Variants in KCNMA1 observed in about 807,000 individuals in gnomAD.
KCNMA1 encodes Calcium-activated potassium channel subunit alpha-1.
In KCNMA1, 29 loss-of-function variants were observed where a neutral mutation model predicts 140.0. The ratio of observed to expected loss-of-function variants is 0.21; its 90% CI spans 0.15 to 0.28. The LOEUF is 0.28. Ranked by LOEUF, KCNMA1 falls within the 10% of genes least tolerant of loss-of-function variation. KCNMA1 has a pLI of 1.00. For missense variants in KCNMA1, 880 were observed against 1,602.2 expected (o/e 0.55, Z 7.70); for synonymous variants, 612 against 611.9 (o/e 1.00, Z 0.00).
Position 77,001,608 on chromosome 10 carries a change from G to A in KCNMA1, c.2093-28C>T, listed in dbSNP as rs1216414508. 3.3e-6 allele frequency: 5 copies of A among 1,537,876 alleles called. No homozygotes were observed. In the East Asian group the frequency reaches 9.8e-5, roughly 30 times the overall value. On this transcript the variant is annotated intron_variant, in intron 18 of 27. Coordinates refer to ENST00000286628, the MANE Select transcript of KCNMA1 (RefSeq NM_001161352.2). The stretch of plus-strand genomic sequence containing the variant: ...ATAACCGTGTGGTTGGATGGGAGGA[G>A]AGGAAGAGCGGCAATTAATGGCAAG...
chr10:77,634,591 T>C, intron 1 of KCNMA1: 1 of 985,298 alleles, frequency 1.0e-6, no homozygotes, highest in Non-Finnish European at 1.2e-6. Flanking sequence ...GATCAAACCA[T>C]CTTGGGGCTG....
At chr10:77,010,985 A>G (rs533707922) in intron 18 of KCNMA1, among the ~76,000 whole-genome samples, 5 of 152,110 alleles carry the variant, frequency 3.3e-5, no homozygotes, top group Non-Finnish European at 7.4e-5. Context: ...GACTGTCAGC[A>G]ATCTCATCCT....
chr10:77,447,149 C>A (rs1004255998), intron 1 of KCNMA1, among the ~76,000 whole-genome samples: 1 of 152,218 alleles, frequency 6.6e-6, no homozygotes, highest in Non-Finnish European at 1.5e-5. Flanking sequence ...CTGGGACAGC[C>A]TGCATCTGGT....
chr10:76,897,157 C>T (rs568913220), intron 25 of KCNMA1, among the ~76,000 whole-genome samples: 59 of 151,720 alleles, frequency 3.9e-4, no homozygotes, highest in African/African-American at 1.4e-3. Context: ...GAGAAAAAGA[C>T]AACAAAGGTC....
chr10:77,439,347 G>A (rs1220188312), intron 1 of KCNMA1, among the ~76,000 whole-genome samples: 2 of 152,194 alleles, frequency 1.3e-5, no homozygotes, highest in African/African-American at 4.8e-5. Flanking sequence ...AAGTACGTTA[G>A]AGGTGGAGCC....
At chr10:77,141,437 T>C (rs1028369620) in intron 5 of KCNMA1, among the ~76,000 whole-genome samples, 4 of 152,088 alleles carry the variant, frequency 2.6e-5, no homozygotes, top group African/African-American at 9.7e-5. Flanking sequence ...ATGAGATTAG[T>C]GCCATTATAA....
intron 23 of KCNMA1, among the ~76,000 whole-genome samples, chr10:76,917,350 G>T (rs1348618580): frequency 6.6e-6 from 1 of 152,140 alleles, no homozygotes; most frequent in Non-Finnish European, 1.5e-5. Context: ...CACCCATAAA[G>T]CAGGGAGAAA....
chr10:77,498,140 G>A lies in KCNMA1; in HGVS notation c.379-94117C>T, dbSNP rs527318638. ...AAAAGAGAAGGCAGGGAGGCCCCTT[G>A]GGCAGCTTTGCTCCCTGAGAAGCGG... is the stretch of plus-strand genomic sequence containing the variant. On this transcript the variant is annotated intron_variant, in intron 1 of 27. Transcript: ENST00000286628. 1.3e-3 allele frequency among the ~76,000 whole-genome samples: 202 copies of A among 152,228 alleles called. 1 individual carries two copies. Among genetic ancestry groups the A allele is most frequent in the African/African-American group, 4.7e-3 (195 of 41,532 alleles).
chr10:77,213,599 C>CCCA (rs1192887580), intron 3 of KCNMA1, among the ~76,000 whole-genome samples: 1 of 152,110 alleles, frequency 6.6e-6, no homozygotes, highest in African/African-American at 2.4e-5. Context: ...GTGATTATGG[C>CCCA]CTGGGACATA....
At chr10:77,399,324 G>A (rs765201675) in intron 2 of KCNMA1, among the ~76,000 whole-genome samples, 16 of 152,180 alleles carry the variant, frequency 1.1e-4, no homozygotes, top group South Asian at 8.3e-4. Flanking sequence ...ATTTCCCTCC[G>A]CATGAGCCGA....
intron 20 of KCNMA1, among the ~76,000 whole-genome samples, 173 bp from the exon 21 acceptor site, chr10:76,954,097 A>T (rs2152990233): frequency 6.6e-6 from 1 of 152,048 alleles, no homozygotes; most frequent in East Asian, 1.9e-4. Flanking sequence ...GCCCCAAACC[A>T]CCACCCCACT....
At chr10:76,942,937 G>A (rs1457356799) in intron 23 of KCNMA1, among the ~76,000 whole-genome samples, 1 of 152,120 alleles carries the variant, frequency 6.6e-6, no homozygotes, top group Non-Finnish European at 1.5e-5. Flanking sequence ...GCTTTAAAAG[G>A]GCACATTTGA....
chr10:76,941,018 G>GAAGAAAGAAAGAAAGAAAGAAAGA (rs758943097), intron 23 of KCNMA1, among the ~76,000 whole-genome samples: 700 of 38,204 alleles, frequency 0.018, 32 homozygotes, highest in South Asian at 0.049. Context: ...AGGAAGGAAG[G>GAAGAAAGAAAGAAAGAAAGAAAGA]AAGAAAGAAA....
At chr10:76,906,703 G>A (rs1415834029) in intron 25 of KCNMA1, among the ~76,000 whole-genome samples, 1 of 152,202 alleles carries the variant, frequency 6.6e-6, no homozygotes, top group Non-Finnish European at 1.5e-5. Flanking sequence ...CTGTTTGGAG[G>A]AGTCTCACTT....
At chr10:77,266,742 A>G (rs1312853403) in intron 2 of KCNMA1, among the ~76,000 whole-genome samples, 12 of 152,186 alleles carry the variant, frequency 7.9e-5, no homozygotes, top group Admixed American at 7.9e-4. Context: ...CTTACTCTTT[A>G]TTGTAGTCAT....
chr10:77,394,298 G>T (rs536321841), intron 2 of KCNMA1, among the ~76,000 whole-genome samples: 107 of 152,168 alleles, frequency 7.0e-4, no homozygotes, highest in Admixed American at 1.6e-3. Context: ...CCTGGGGAGG[G>T]CAGAGGAGCC....
intron 5 of KCNMA1, among the ~76,000 whole-genome samples, chr10:77,147,355 C>T (rs975733237): frequency 2.6e-5 from 4 of 152,202 alleles, no homozygotes; most frequent in Non-Finnish European, 4.4e-5. Context: ...TTTGCTTGGT[C>T]TCTGGTTTGA....
chr10:77,218,080 G>A (rs1265454715), intron 3 of KCNMA1, among the ~76,000 whole-genome samples: 3 of 152,124 alleles, frequency 2.0e-5, no homozygotes, highest in African/African-American at 7.2e-5. Flanking sequence ...ATTTGCGTGG[G>A]TGGGGAAGTT....
chr10:77,330,927 G>C (rs568904036), intron 2 of KCNMA1, among the ~76,000 whole-genome samples: 54 of 152,254 alleles, frequency 3.5e-4, no homozygotes, highest in African/African-American at 1.3e-3. Context: ...GGAGAGCACT[G>C]AGCCAAGTGT....
Sources: allele counts gnomAD v4.1 joint callset (sites outside exome capture counted in the v4.1 genomes callset), GRCh38; gene constraint gnomAD v4.1.1; transcripts MANE v1.5; gene names NCBI Gene and HGNC (gene_info 2026-07-23, HGNC 2026-07-21).